HTR7: variants seen among roughly 807,000 people sequenced by gnomAD.
HTR7 encodes the protein 5-hydroxytryptamine receptor 7, also known as 5-HT-7.
HTR7 carries 16 observed loss-of-function variants against 34.0 expected under a neutral mutation model. That is an observed-to-expected ratio of 0.47 (90% CI 0.32 to 0.71). HTR7 has a LOEUF of 0.71. Among genes scored for constraint, HTR7 ranks in the 30% least tolerant of loss-of-function variants. The pLI is 0.04. For missense variants in HTR7, 504 were observed against 625.5 expected (o/e 0.81, Z 2.07); for synonymous variants, 265 against 260.2 (o/e 1.02, Z -0.18).
At chr10:90,789,811 G>A (rs562118270) in intron 1 of HTR7, among the ~76,000 whole-genome samples, 33 of 152,302 alleles carry the variant, frequency 2.2e-4, no homozygotes, top group African/African-American at 7.9e-4. Context: ...ATGTTCTGCA[G>A]TGGATAAGCT....
intron 1 of HTR7, among the ~76,000 whole-genome samples, chr10:90,810,758 G>A (rs566348810): frequency 7.9e-5 from 12 of 152,118 alleles, no homozygotes; most frequent in Admixed American, 1.3e-4. Context: ...CACCCATCAC[G>A]CTCAGCAAAT....
chr10:90,841,742 G>GTAATCTCAGCAA (rs1846332599), intron 1 of HTR7, among the ~76,000 whole-genome samples: 1 of 152,176 alleles, frequency 6.6e-6, no homozygotes, highest in African/African-American at 2.4e-5. Context: ...GCTCACACCT[G>GTAATCTCAGCAA]TAATCTCAGC....
chr10:90,822,667 C>CA (rs1473433108), intron 1 of HTR7, among the ~76,000 whole-genome samples: 1 of 152,174 alleles, frequency 6.6e-6, no homozygotes, highest in Non-Finnish European at 1.5e-5. Context: ...ATAGCCAAGA[C>CA]AATGGGGAAT....
At chr10:90,785,290 T>C (rs1845363646) in intron 1 of HTR7, among the ~76,000 whole-genome samples, 1 of 152,206 alleles carries the variant, frequency 6.6e-6, no homozygotes, top group Admixed American at 6.6e-5. Context: ...GCAAAAACTG[T>C]ACCTGTCCCA....
At chr10:90,752,208 G>T (rs1844750062) in intron 1 of HTR7, among the ~76,000 whole-genome samples, 1 of 152,064 alleles carries the variant, frequency 6.6e-6, no homozygotes, top group African/African-American at 2.4e-5. Flanking sequence ...AAAAAAATGA[G>T]TGCTTACTAA....
chr10:90,848,161 C>A (rs778554773), intron 1 of HTR7, among the ~76,000 whole-genome samples: 5 of 150,764 alleles, frequency 3.3e-5, no homozygotes, highest in African/African-American at 1.2e-4. Flanking sequence ...CTCGGCCTCC[C>A]GGGTTCAAGC....
chr10:90,812,709 G>A (rs571099792), intron 1 of HTR7, among the ~76,000 whole-genome samples: 16 of 151,954 alleles, frequency 1.1e-4, no homozygotes, highest in African/African-American at 2.7e-4. Context: ...GAGAAACATC[G>A]CCCATTCTCT....
rs75868876 is a variant in HTR7, at chr10:90,803,849, G to A, written c.539+53284C>T. Among the ~76,000 whole-genome samples the A allele has an allele frequency of 8.7e-4, 133 of 152,316 alleles. No individual in the cohort carries two copies. In the East Asian group the frequency reaches 0.02, roughly 23 times the overall value. On this transcript the variant is annotated intron_variant, in intron 1 of 3. Coordinates refer to ENST00000336152, the MANE Select transcript of HTR7 (RefSeq NM_019859.4). Reference sequence around the variant, plus strand: ...AGGCAGGAAAATACTGGGTAGGAGAGGGCAGAGTCCCTGGCAAGGGTTCCA... The same window carrying A: ...AGGCAGGAAAATACTGGGTAGGAGAAGGCAGAGTCCCTGGCAAGGGTTCCA...
At chr10:90,744,625 G>A (rs906800927) in intron 2 of HTR7, among the ~76,000 whole-genome samples, 1 of 151,890 alleles carries the variant, frequency 6.6e-6, no homozygotes, top group Non-Finnish European at 1.5e-5. Flanking sequence ...AAATCCTTAA[G>A]AGCAGCCCTG....
Position 90,857,007 on chromosome 10 carries a change from T to G in HTR7, c.539+126A>C. 1.1e-6 allele frequency: 1 copy of G among 876,274 alleles called. No individual in the cohort carries two copies. Among genetic ancestry groups the G allele is most frequent in the Non-Finnish European group, 1.7e-6 (1 of 579,990 alleles). The allele number at this position is 876,274 out of a possible 1,614,324, so 54.3% of individuals were successfully genotyped here. ...GTAGGGTGGATTGGGGGGAGCGGTG[T>G]TTTAAGCGCAGCCCTTCATCCCGCC... On this transcript the variant is annotated intron_variant, in intron 1 of 3. Coordinates refer to ENST00000336152, the MANE Select transcript of HTR7 (RefSeq NM_019859.4). This position sits in a 1 kb window ranked among gnomAD's most constrained non-coding sequence, Gnocchi z 6.5.
intron 1 of HTR7, among the ~76,000 whole-genome samples, chr10:90,792,867 C>T (rs1845479920): frequency 6.6e-6 from 1 of 151,810 alleles, no homozygotes. Context: ...CAGTTGGAGC[C>T]TTACCTTATA....
At chr10:90,812,447 A>G (rs1845827875) in intron 1 of HTR7, among the ~76,000 whole-genome samples, 1 of 152,302 alleles carries the variant, frequency 6.6e-6, no homozygotes, top group South Asian at 2.1e-4. Flanking sequence ...GAATCTCCTT[A>G]GGCACTCTCT....
rs185944241 is a variant in HTR7 at position 90,781,093 on chromosome 10, G to A, written c.540-31499C>T. 2.0e-5 allele frequency among the ~76,000 whole-genome samples: 3 copies of A among 152,268 alleles called. No homozygotes were observed. In the East Asian group the frequency reaches 5.8e-4, roughly 29 times the overall value. On this transcript the variant is annotated intron_variant, in intron 1 of 3. Transcript: ENST00000336152. ...AAATAGTATGAATTGAAAAGTGGAA[G>A]TCCTCTCCCCCATTTCTACCCTAGA...
intron 1 of HTR7, among the ~76,000 whole-genome samples, chr10:90,818,015 A>G (rs1845922825): frequency 6.6e-6 from 1 of 152,212 alleles, no homozygotes; most frequent in Non-Finnish European, 1.5e-5. Context: ...CTATAGACAG[A>G]AAGTGAATGG....
chr10:90,792,874 T>C (rs1438055781), intron 1 of HTR7, among the ~76,000 whole-genome samples: 3 of 151,610 alleles, frequency 2.0e-5, no homozygotes, highest in African/African-American at 7.3e-5. Flanking sequence ...AGCCTTACCT[T>C]ATACCACATG....
chr10:90,840,601 A>T (rs1041853887), intron 1 of HTR7, among the ~76,000 whole-genome samples: 1 of 152,152 alleles, frequency 6.6e-6, no homozygotes, highest in Non-Finnish European at 1.5e-5. Context: ...GAACTGTTCA[A>T]ATTTTTCTTA....
chr10:90,830,806 A>G (rs1428612611), intron 1 of HTR7, among the ~76,000 whole-genome samples: 2 of 150,922 alleles, frequency 1.3e-5, no homozygotes, highest in Admixed American at 6.6e-5. Context: ...AAAAAAAAAA[A>G]GGCAAGCAAA....
At chr10:90,812,097 C>A (rs1023845610) in intron 1 of HTR7, among the ~76,000 whole-genome samples, 62 of 151,932 alleles carry the variant, frequency 4.1e-4, no homozygotes, top group Admixed American at 6.6e-4. Context: ...ACTTTTACCA[C>A]TTTCCCTTCT....
At chr10:90,803,680 G>C (rs1845663048) in intron 1 of HTR7, among the ~76,000 whole-genome samples, 1 of 152,146 alleles carries the variant, frequency 6.6e-6, no homozygotes, top group Non-Finnish European at 1.5e-5. Flanking sequence ...GACATTCCTG[G>C]TGTTGGGGAG....
Sources: gnomAD v4.1 joint callset for allele counts (sites outside exome capture counted in the v4.1 genomes callset) on GRCh38, gnomAD v4.1.1 for gene constraint, Gnocchi (gnomAD v3.1) non-coding constraint, MANE v1.5 for transcripts, NCBI Gene and HGNC (gene_info 2026-07-23, HGNC 2026-07-21) for gene names.